CA10: variants seen among roughly 807,000 people sequenced by gnomAD.
CA10 encodes the protein carbonic anhydrase 10 (inactive).
In CA10, 14 loss-of-function variants were observed where a neutral mutation model predicts 44.2. The observed-to-expected ratio is 0.32, with a 90% CI of 0.21 to 0.50. The LOEUF (loss-of-function observed/expected upper bound fraction) is 0.50, where lower values mean the gene tolerates loss of function less well. Ranked by LOEUF, CA10 falls within the 20% of genes least tolerant of loss-of-function variation. CA10 has a pLI of 0.99. For synonymous variants in CA10, 159 were observed against 141.6 expected (o/e 1.12, Z -0.87); for missense variants, 350 against 409.7 (o/e 0.85, Z 1.26).
chr17:52,017,525 G>A (rs766023834), intron 2 of CA10, among the ~76,000 whole-genome samples: 1 of 152,104 alleles, frequency 6.6e-6, no homozygotes, highest in Non-Finnish European at 1.5e-5. Flanking sequence ...ATGACTTAGG[G>A]TATCTGGTAG....
At chr17:52,134,775 T>G (rs1989315198) in intron 1 of CA10, 1 of 482,694 alleles carries the variant, frequency 2.1e-6, no homozygotes, top group African/African-American at 1.9e-5. Context: ...AGAGCTCAGG[T>G]TATGCATGAC....
At chr17:51,982,566 T>C (rs1984687765) in intron 2 of CA10, among the ~76,000 whole-genome samples, 2 of 151,962 alleles carry the variant, frequency 1.3e-5, no homozygotes, top group Non-Finnish European at 2.9e-5. Context: ...AACTAATTTG[T>C]AACTGCAAAG....
intron 3 of CA10, among the ~76,000 whole-genome samples, chr17:51,900,579 G>T (rs1199442938): frequency 6.6e-6 from 1 of 152,136 alleles, no homozygotes; most frequent in Non-Finnish European, 1.5e-5. Flanking sequence ...GGCCTAACAA[G>T]GTTGGAGAAA....
At chr17:51,889,016 G>GCT (rs1258128878) in intron 3 of CA10, among the ~76,000 whole-genome samples, 7 of 152,148 alleles carry the variant, frequency 4.6e-5, no homozygotes, top group African/African-American at 1.7e-4. Flanking sequence ...TTGGCCGGGA[G>GCT]CTCAGCTGGT....
chr17:51,834,336 G>T (rs780919210), intron 3 of CA10, among the ~76,000 whole-genome samples: 20 of 152,188 alleles, frequency 1.3e-4, no homozygotes, highest in Admixed American at 2.0e-4. Flanking sequence ...ACTGCATGTA[G>T]CACTTTTTGG....
At chr17:51,849,233 GTATATATATA>G (rs1217693250) in intron 3 of CA10, among the ~76,000 whole-genome samples, 4 of 39,904 alleles carry the variant, frequency 1.0e-4, no homozygotes, top group Admixed American at 3.2e-4. Context: ...ATATGTGTGT[GTATATATATA>G]TATATATATA....
chr17:51,849,795 A>G (rs1978707891), intron 3 of CA10, among the ~76,000 whole-genome samples: 1 of 152,212 alleles, frequency 6.6e-6, no homozygotes. Context: ...GAAATGGGCA[A>G]TGAGATATCA....
chr17:52,046,903 C>T (rs550374413), intron 2 of CA10, among the ~76,000 whole-genome samples: 1 of 151,860 alleles, frequency 6.6e-6, no homozygotes, highest in Non-Finnish European at 1.5e-5. Context: ...ATCATTAATT[C>T]ACCATTTTAA....
chr17:51,668,271 G>A (rs9912314), intron 4 of CA10, among the ~76,000 whole-genome samples: 3,392 of 152,296 alleles, frequency 0.022, 131 homozygotes, highest in African/African-American at 0.077. Context: ...AGGGAGGGGC[G>A]ATTTCAAGAA....
chr17:52,000,438 C>G (rs1985383216), intron 2 of CA10, among the ~76,000 whole-genome samples: 1 of 152,212 alleles, frequency 6.6e-6, no homozygotes, highest in Admixed American at 6.5e-5. Flanking sequence ...GATAATGGAT[C>G]TGGAGACCTC....
At chr17:51,831,327 C>T (rs1908232244) in intron 3 of CA10, among the ~76,000 whole-genome samples, 1 of 152,186 alleles carries the variant, frequency 6.6e-6, no homozygotes, top group African/African-American at 2.4e-5. Context: ...GAACTAGCCA[C>T]AGTGGAAGCT....
intron 3 of CA10, among the ~76,000 whole-genome samples, chr17:51,760,461 G>A (rs1905188539): frequency 6.6e-6 from 1 of 152,132 alleles, no homozygotes; most frequent in African/African-American, 2.4e-5. Context: ...AGGGAGCGGT[G>A]GAGATGGTGG....
At chr17:51,778,662 C>A (rs1266074828) in intron 3 of CA10, among the ~76,000 whole-genome samples, 1 of 152,180 alleles carries the variant, frequency 6.6e-6, no homozygotes, top group South Asian at 2.1e-4. Flanking sequence ...TTGTTCAACT[C>A]AAACTGGTAA....
At chr17:51,644,720 C>T (rs1838067916) in intron 6 of CA10, among the ~76,000 whole-genome samples, 1 of 151,524 alleles carries the variant, frequency 6.6e-6, no homozygotes, top group African/African-American at 2.4e-5. Flanking sequence ...GGCTAAAAGT[C>T]TTACAGTCAT....
At chr17:51,647,198 C>T (rs183661524) in intron 6 of CA10, among the ~76,000 whole-genome samples, 135 of 152,272 alleles carry the variant, frequency 8.9e-4, no homozygotes, top group African/African-American at 3.2e-3. Context: ...GAACATCTTT[C>T]TTGCCACTCC....
intron 3 of CA10, among the ~76,000 whole-genome samples, chr17:51,832,085 C>T (rs1021441080): frequency 5.9e-5 from 9 of 152,274 alleles, no homozygotes; most frequent in African/African-American, 1.9e-4. Flanking sequence ...CAGTTGAACC[C>T]ATTGTCAGAG....
chr17:51,811,907 CAG>C (rs1281559818), intron 3 of CA10, among the ~76,000 whole-genome samples: 1 of 152,170 alleles, frequency 6.6e-6, no homozygotes, highest in Non-Finnish European at 1.5e-5. Flanking sequence ...GCACACAGTC[CAG>C]AGTGAAGCCC....
chr17:51,991,284 T>A (rs1398335383), intron 2 of CA10, among the ~76,000 whole-genome samples: 1 of 152,108 alleles, frequency 6.6e-6, no homozygotes, highest in East Asian at 1.9e-4. Flanking sequence ...TATCCCTATT[T>A]TAAACTTTCT....
chr17:52,074,750 G>A (rs1463383344), intron 1 of CA10, among the ~76,000 whole-genome samples: 1 of 151,976 alleles, frequency 6.6e-6, no homozygotes, highest in Admixed American at 6.6e-5. Flanking sequence ...ATATTTCAAT[G>A]TGAAAATGCT....
Sources: allele counts gnomAD v4.1 joint callset (sites outside exome capture counted in the v4.1 genomes callset), GRCh38; gene constraint gnomAD v4.1.1; transcripts MANE v1.5; gene names NCBI Gene and HGNC (gene_info 2026-07-23, HGNC 2026-07-21).